Variants in DGKI observed in about 807,000 individuals in gnomAD.
The protein encoded by DGKI is diacylglycerol kinase iota.
A neutral mutation model predicts 147.5 loss-of-function variants in DGKI; 55 were observed. The ratio of observed to expected loss-of-function variants is 0.37; its 90% CI spans 0.30 to 0.47. DGKI has a LOEUF of 0.47. Ranked by LOEUF, DGKI falls within the 20% of genes least tolerant of loss-of-function variation. DGKI has a pLI of 1.00. For synonymous variants in DGKI, 469 were observed against 477.1 expected, an observed-to-expected ratio of 0.98 and a Z score of 0.22; for missense variants, 1,007 against 1,323.8, an observed-to-expected ratio of 0.76 and a Z score of 3.71.
intron 19 of DGKI, among the ~76,000 whole-genome samples, chr7:137,569,477 C>T (rs1316111998): frequency 6.6e-6 from 1 of 151,778 alleles, no homozygotes; most frequent in Non-Finnish European, 1.5e-5. Flanking sequence ...GCCTGTAATC[C>T]CAGCACTTTG....
At chr7:137,431,614 T>C (rs1813074440) in intron 28 of DGKI, among the ~76,000 whole-genome samples, 1 of 152,226 alleles carries the variant, frequency 6.6e-6, no homozygotes. Context: ...AGGAACTCCT[T>C]AGAGAGCAGG....
At chr7:137,501,412 G>T (rs1816166529) in intron 21 of DGKI, among the ~76,000 whole-genome samples, 1 of 152,090 alleles carries the variant, frequency 6.6e-6, no homozygotes, top group African/African-American at 2.4e-5. Flanking sequence ...GGATCATATG[G>T]TTAATCTATC....
intron 17 of DGKI, among the ~76,000 whole-genome samples, 169 bp from the exon 18 acceptor site, chr7:137,573,007 T>G (rs920121418): frequency 6.6e-6 from 1 of 152,190 alleles, no homozygotes; most frequent in Non-Finnish European, 1.5e-5. Flanking sequence ...GGTTATAGCT[T>G]TACTGGACCC....
chr7:137,475,194 A>G (rs1302292745), intron 23 of DGKI, among the ~76,000 whole-genome samples: 1 of 152,138 alleles, frequency 6.6e-6, no homozygotes, highest in Non-Finnish European at 1.5e-5. Flanking sequence ...ATACATTTGC[A>G]CTCAGATTCT....
chr7:137,608,852 C>T, intron 10 of DGKI, 114 bp downstream of exon 10: 3 of 787,278 alleles, frequency 3.8e-6, no homozygotes, highest in Admixed American at 2.4e-5. Context: ...TCCTGAGAAA[C>T]CGGTGTCTTC....
At chr7:137,460,050 T>C (rs879676017) in intron 27 of DGKI, among the ~76,000 whole-genome samples, 1 of 152,206 alleles carries the variant, frequency 6.6e-6, no homozygotes. Flanking sequence ...TCTCTTTTGA[T>C]TTCTGTTTAT....
intron 27 of DGKI, among the ~76,000 whole-genome samples, chr7:137,449,613 A>G (rs1813870939): frequency 6.6e-6 from 1 of 152,218 alleles, no homozygotes; most frequent in Non-Finnish European, 1.5e-5. Context: ...TACAGGCAAC[A>G]AAAGCGAAAA....
intron 19 of DGKI, among the ~76,000 whole-genome samples, chr7:137,566,661 T>A (rs1449565178): frequency 6.6e-6 from 1 of 152,170 alleles, no homozygotes; most frequent in Non-Finnish European, 1.5e-5. Flanking sequence ...ATTTTAGTAT[T>A]CCATTTCCTT....
chr7:137,816,815 A>G (rs1250528759), intron 1 of DGKI, among the ~76,000 whole-genome samples: 1 of 152,214 alleles, frequency 6.6e-6, no homozygotes, highest in Non-Finnish European at 1.5e-5. Flanking sequence ...TAAGACCTGA[A>G]TGATGCAATC....
chr7:137,497,601 T>C (rs150145489), intron 21 of DGKI, among the ~76,000 whole-genome samples: 1 of 152,094 alleles, frequency 6.6e-6, no homozygotes, highest in Admixed American at 6.5e-5. Flanking sequence ...CATGCAATAC[T>C]ACATAGCCAT....
At chr7:137,405,411 T>C (rs1811907396) in intron 30 of DGKI, among the ~76,000 whole-genome samples, 1 of 152,138 alleles carries the variant, frequency 6.6e-6, no homozygotes, top group Admixed American at 6.6e-5. Flanking sequence ...CCATCTTGTA[T>C]TTTTATTTGT....
chr7:137,438,577 G>C (rs894372398), intron 28 of DGKI, among the ~76,000 whole-genome samples: 2 of 151,972 alleles, frequency 1.3e-5, no homozygotes, highest in African/African-American at 4.8e-5. Context: ...GCTATTCCCA[G>C]GTTTAAGCGC....
At chr7:137,633,212 C>CA (rs575170478) in intron 6 of DGKI, among the ~76,000 whole-genome samples, 13,891 of 65,244 alleles carry the variant, frequency 0.21, 1,033 homozygotes, top group Admixed American at 0.25. Context: ...AACTCGTTCT[C>CA]AAAAAAAAAA....
intron 1 of DGKI, among the ~76,000 whole-genome samples, chr7:137,826,713 G>A (rs1321398577): frequency 6.6e-6 from 1 of 152,146 alleles, no homozygotes; most frequent in Non-Finnish European, 1.5e-5. Flanking sequence ...GATCTGGCAG[G>A]GGGAAGGGGG....
chr7:137,666,424 CAA>C (rs1242647592), intron 3 of DGKI, among the ~76,000 whole-genome samples: 1 of 151,998 alleles, frequency 6.6e-6, no homozygotes, highest in African/African-American at 2.4e-5. Flanking sequence ...CACAAACAAA[CAA>C]AAAAACAGAA....
chr7:137,529,357 T>C (rs1198335960), intron 20 of DGKI, among the ~76,000 whole-genome samples: 1 of 152,134 alleles, frequency 6.6e-6, no homozygotes, highest in African/African-American at 2.4e-5. Context: ...ATCTATGCTT[T>C]TGAGCATAGA....
chr7:137,463,535 A>C lies in DGKI; in HGVS notation c.2689T>G (p.Tyr897Asp), dbSNP rs1487009568. The change falls in exon 27 of 33, where the codon TAT becomes GAT. Residue 897 changes from tyrosine (Y) to aspartate (D), a missense_variant. By Grantham distance (160) the Tyr-to-Asp change is radical (BLOSUM62 -3). Coordinates refer to ENST00000614521, the MANE Select transcript of DGKI (RefSeq NM_001321708.2). Reference protein sequence around the residue: ...DSGLGMIAPYYEDSDLKDLSH... With the variant: ...DSGLGMIAPYDEDSDLKDLSH... ...AGATCTTTCAGATCTGAGTCCTCATAATAGGGAGCTATCATCCCCAGCCCA... is the reference window on the plus strand; with the variant it reads ...AGATCTTTCAGATCTGAGTCCTCATCATAGGGAGCTATCATCCCCAGCCCA... The C allele has an allele frequency of 2.5e-6, 4 of 1,614,194 alleles. No individual in the cohort carries two copies. The highest frequency in any genetic ancestry group is 3.4e-6 in the Non-Finnish European group (4 of 1,180,026).
At chr7:137,415,198 G>C (rs1812312570) in intron 28 of DGKI, among the ~76,000 whole-genome samples, 2 of 152,088 alleles carry the variant, frequency 1.3e-5, no homozygotes, top group Admixed American at 1.3e-4. Flanking sequence ...GGAAAGTAAA[G>C]CCAGCCCTCC....
intron 27 of DGKI, among the ~76,000 whole-genome samples, chr7:137,449,017 C>T (rs1813843160): frequency 6.6e-6 from 1 of 152,148 alleles, no homozygotes; most frequent in Admixed American, 6.5e-5. Flanking sequence ...GGAAAGACAT[C>T]TCTTTCTCAT....
Sources: allele counts gnomAD v4.1 joint callset (sites outside exome capture counted in the v4.1 genomes callset), GRCh38; gene constraint gnomAD v4.1.1; transcripts MANE v1.5; gene names NCBI Gene and HGNC (gene_info 2026-07-23, HGNC 2026-07-21).